Variants in TUBB6 observed in about 807,000 individuals in gnomAD.
TUBB6 encodes tubulin beta 6 class V.
In TUBB6, 18 loss-of-function variants were observed where a neutral mutation model predicts 32.3. The ratio of observed to expected loss-of-function variants is 0.56; its 90% CI spans 0.39 to 0.83. TUBB6 has a LOEUF of 0.83. TUBB6 is among the 40% of genes least tolerant of loss of function. The probability of loss-of-function intolerance (pLI) is 0.00; values close to 1 mark genes in which losing one functional copy is unlikely to be tolerated. For missense variants in TUBB6, 480 were observed against 632.0 expected (o/e 0.76, Z 2.58); for synonymous variants, 280 against 265.8 (o/e 1.05, Z -0.52).
chr18:12,317,995 G>A (rs1448371209), intron 3 of TUBB6, among the ~76,000 whole-genome samples: 1 of 152,198 alleles, frequency 6.6e-6, no homozygotes, highest in Non-Finnish European at 1.5e-5. Context: ...GTGAGCTGCA[G>A]AGGGAGTCAA....
intron 3 of TUBB6, 96 bp downstream of exon 3, chr18:12,311,149 AGT>A: frequency 6.4e-6 from 7 of 1,092,238 alleles, no homozygotes; most frequent in Non-Finnish European, 9.3e-6. Context: ...TCATAGAAAA[AGT>A]GTGAATGGAA....
chr18:12,312,999 CAA>C (rs59962916), intron 3 of TUBB6, among the ~76,000 whole-genome samples: 3 of 106,558 alleles, frequency 2.8e-5, no homozygotes, highest in South Asian at 3.5e-4. Flanking sequence ...AATTCTATCT[CAA>C]AAAAAAAAAA....
intron 2 of TUBB6, among the ~76,000 whole-genome samples, chr18:12,309,464 A>G (rs1474444800): frequency 5.0e-5 from 7 of 140,006 alleles, no homozygotes; most frequent in African/African-American, 1.6e-4. Context: ...AATTTGAGAA[A>G]CGCTCTCTTA....
chr18:12,325,447 C>G lies in TUBB6; in HGVS notation c.658C>G (p.Pro220Ala). The G allele has an allele frequency of 2.5e-6, 4 of 1,614,240 alleles. No individual in the cohort carries two copies. The highest frequency in any genetic ancestry group is 3.4e-6 in the Non-Finnish European group (4 of 1,180,046). Residue 220 changes from proline (P) to alanine (A), a missense_variant, in exon 4 of 4, where the codon CCC becomes GCC. Physicochemically the swap from Pro to Ala is conservative, Grantham distance 27. Transcript: ENST00000317702. ...CTTCCGCACTCTGAAGCTGACAACG[C>G]CCACCTACGGGGACCTCAACCACCT... Reference protein sequence around the residue: ...ICFRTLKLTTPTYGDLNHLVS... With the variant: ...ICFRTLKLTTATYGDLNHLVS...
At chr18:12,322,356 CT>C (rs1190247505) in intron 3 of TUBB6, among the ~76,000 whole-genome samples, 7,507 of 139,360 alleles carry the variant, frequency 0.054, 512 homozygotes, top group African/African-American at 0.17. Context: ...ATTGAAAATA[CT>C]TTTTTTTTTT....
intron 3 of TUBB6, among the ~76,000 whole-genome samples, chr18:12,321,076 G>A (rs546193474): frequency 6.6e-6 from 1 of 152,184 alleles, no homozygotes; most frequent in South Asian, 2.1e-4. Flanking sequence ...ATTATTTCCA[G>A]TACCTAAGCT....
intron 3 of TUBB6, chr18:12,324,684 C>A: frequency 2.4e-6 from 2 of 837,128 alleles, no homozygotes; most frequent in Non-Finnish European, 3.2e-6. Context: ...CTCCTGACTT[C>A]AAGTGATCCA....
At chr18:12,309,318 A>C (rs1306832285) in intron 2 of TUBB6, among the ~76,000 whole-genome samples, 1 of 148,346 alleles carries the variant, frequency 6.7e-6, no homozygotes, top group East Asian at 2.0e-4. Context: ...GCGCCACTGC[A>C]CTCCAGCCTG....
At chr18:12,318,005 A>C (rs1906762783) in intron 3 of TUBB6, among the ~76,000 whole-genome samples, 1 of 152,178 alleles carries the variant, frequency 6.6e-6, no homozygotes, top group Admixed American at 6.6e-5. Flanking sequence ...GAGGGAGTCA[A>C]GTTCAGCATC....
At chr18:12,329,738 T>C, downstream of TUBB6, 1 of 1,614,226 alleles carries the variant, frequency 6.2e-7, no homozygotes. Context: ...AGTTCAACCA[T>C]ATCATTCTTA....
At chr18:12,329,246 T>C, downstream of TUBB6, 1 of 701,986 alleles carries the variant, frequency 1.4e-6, no homozygotes, top group South Asian at 1.5e-5. Context: ...CAACGATCCC[T>C]GCCACACGGT....
In TUBB6 at chr18:12,308,248, G is replaced by C; in HGVS notation, c.-45G>C. 2 of 1,364,102 alleles carry C rather than the reference G, an allele frequency of 1.5e-6. No homozygotes were observed. Among genetic ancestry groups the C allele is most frequent in the Non-Finnish European group, 1.9e-6 (2 of 1,048,848 alleles). 84.5% of individuals were successfully genotyped at this position (1,364,102 alleles called of 1,614,324 possible). A position where few individuals can be genotyped will look rare whatever the true frequency, so the allele number is the denominator to read the frequency against. ...CGCGCGCAGCCGGCCCGCAGTTGCC[G>C]CTGTCGTCCGCAGAGCCAGTTCCTA... is the stretch of plus-strand genomic sequence containing the variant. On this transcript the variant is annotated 5_prime_UTR_variant, in exon 1 of 4. Transcript: ENST00000317702.
chr18:12,323,847 T>A (rs1413410874), intron 3 of TUBB6, among the ~76,000 whole-genome samples: 1 of 151,364 alleles, frequency 6.6e-6, no homozygotes, highest in Non-Finnish European at 1.5e-5. Context: ...ACAGACTAGG[T>A]CTCTTTCTTG....
chr18:12,310,952 A>G lies in TUBB6; in HGVS notation c.176A>G (p.Tyr59Cys). The G allele has an allele frequency of 6.2e-7, 1 of 1,607,632 alleles. No individual in the cohort carries two copies. Among genetic ancestry groups the G allele is most frequent in the Non-Finnish European group, 8.5e-7 (1 of 1,178,024 alleles). Reference protein sequence around the residue: ...VYYNESSSQKYVPRAALVDLE... With the variant: ...VYYNESSSQKCVPRAALVDLE... ...TTCTTTTCTCCTCCAGCTCAGAAAT[A>G]TGTGCCCAGGGCCGCCCTGGTGGAC... is the stretch of plus-strand genomic sequence containing the variant. The change falls in exon 3 of 4, where the codon TAT becomes TGT. Residue 59 changes from tyrosine to cysteine, a missense_variant. Coordinates refer to ENST00000317702, the MANE Select transcript of TUBB6 (RefSeq NM_032525.3).
chr18:12,314,512 G>A (rs1287781224), intron 3 of TUBB6, among the ~76,000 whole-genome samples: 2 of 152,080 alleles, frequency 1.3e-5, no homozygotes, highest in Non-Finnish European at 2.9e-5. Flanking sequence ...GATAGGCAGT[G>A]TGTGCACATG....
downstream of TUBB6, chr18:12,329,587 G>A (rs372136184): frequency 2.4e-5 from 39 of 1,613,796 alleles, no homozygotes; most frequent in Non-Finnish European, 2.9e-5. Flanking sequence ...TTTCTCACCC[G>A]GGGGCTCCTC....
chr18:12,308,429 G>T, intron 1 of TUBB6, 80 bp downstream of exon 1: 1 of 1,149,730 alleles, frequency 8.7e-7, no homozygotes, highest in Non-Finnish European at 1.1e-6. Flanking sequence ...CCCCCGCCGG[G>T]GCGCGCACCC....
At position 12,325,140 on chromosome 18, in the gene TUBB6, G is replaced by A. The variant is rs759576039; in HGVS notation, c.351G>A (p.Leu117=). ...GCGCGGAGCTGGTGGACGCAGTGCT[G>A]GACGTGGTGCGGAAGGAGTGCGAGC... ...TEGAELVDAV[L]DVVRKECEHC... Residue 117 remains leucine (L), a synonymous_variant, in exon 4 of 4, where the codon CTG becomes CTA. Transcript: ENST00000317702. 5.0e-6 allele frequency: 8 copies of A among 1,611,814 alleles called. No individual in the cohort carries two copies. The highest frequency in any genetic ancestry group is 6.8e-6 in the Non-Finnish European group (8 of 1,178,530).
chr18:12,318,465 GTAC>G (rs1906791164), intron 3 of TUBB6, among the ~76,000 whole-genome samples: 1 of 150,898 alleles, frequency 6.6e-6, no homozygotes, highest in Non-Finnish European at 1.5e-5. Context: ...CCACCTGAGA[GTAC>G]TAAAGTGGCC....
Sources: gnomAD v4.1 joint callset for allele counts (sites outside exome capture counted in the v4.1 genomes callset) on GRCh38, gnomAD v4.1.1 for gene constraint, MANE v1.5 for transcripts, NCBI Gene and HGNC (gene_info 2026-07-23, HGNC 2026-07-21) for gene names.